The following PCLO variants were observed in gnomAD, a reference collection of about 807,000 sequenced individuals.
PCLO encodes the protein protein piccolo.
Under a neutral mutation model 427.5 loss-of-function variants are expected in PCLO, and 82 were observed. The ratio of observed to expected loss-of-function variants is 0.19; its 90% CI spans 0.16 to 0.23. The LOEUF is 0.23. Ranked by LOEUF, PCLO falls within the 10% of genes least tolerant of loss-of-function variation. PCLO has a pLI of 1.00. For missense variants in PCLO, 6,239 were observed against 6,115.9 expected (o/e 1.02, Z -0.67); for synonymous variants, 2,357 against 2,155.4 (o/e 1.09, Z -2.59).
rs1440979905 is a variant in PCLO, at chr7:82,953,080, G to C, written c.7873C>G (p.Pro2625Ala). 6.2e-7 allele frequency: 1 copy of C among 1,613,912 alleles called. No individual in the cohort carries two copies. The highest frequency in any genetic ancestry group is 8.5e-7 in the Non-Finnish European group (1 of 1,179,818). The part of the protein sequence containing the change: ...SVEPVFSVVP[P>A]VTAVEIPISS... The stretch of plus-strand genomic sequence containing the variant: ...ATTGGAATTTCTACAGCTGTCACAG[G>C]AGGAACTACAGAAAACACAGGTTCA... Residue 2625 changes from proline to alanine, a missense_variant, in exon 5 of 25, where the codon CCT (proline) becomes GCT (alanine). Coordinates refer to ENST00000333891, the MANE Select transcript of PCLO (RefSeq NM_033026.6).
At chr7:82,987,827 T>C (rs56945700) in intron 3 of PCLO, among the ~76,000 whole-genome samples, 114,230 of 151,920 alleles carry the variant, frequency 0.75, 43,513 homozygotes, top group East Asian at 0.92. Flanking sequence ...CTTAGTTCTT[T>C]CCCATTCACA....
chr7:82,980,583 A>G (rs1796124560), intron 3 of PCLO, among the ~76,000 whole-genome samples: 1 of 152,200 alleles, frequency 6.6e-6, no homozygotes, highest in Admixed American at 6.6e-5. Flanking sequence ...AATAGAATTT[A>G]AAATAGAATT....
At position 82,951,440 on chromosome 7, in the gene PCLO, G is replaced by C; in HGVS notation, c.9148C>G (p.Arg3050Gly). The C allele has an allele frequency of 1.3e-6, 2 of 1,589,772 alleles. No individual in the cohort carries two copies. Among genetic ancestry groups the C allele is most frequent in the Non-Finnish European group, 1.7e-6 (2 of 1,166,950 alleles). The change falls in exon 6 of 25, where the codon CGA becomes GGA. Residue 3050 changes from arginine (R) to glycine (G), a missense_variant. Around this residue, in one of 5 missense-constraint regions of PCLO, gnomAD observed 4,677 missense variants for 4,468.4 expected, o/e 1.05. Transcript: ENST00000333891. Reference protein sequence around the residue: ...SKTTGPYPETRQVISGAGIST... With the variant: ...SKTTGPYPETGQVISGAGIST... ...ATCCCAGCTCCTGAAATGACTTGTCGTGTTTCTGGATATGGACCTGTAGTC... is the reference window on the plus strand; with the variant it reads ...ATCCCAGCTCCTGAAATGACTTGTCCTGTTTCTGGATATGGACCTGTAGTC...
chr7:82,938,225 AT>A (rs1795001239), intron 6 of PCLO, among the ~76,000 whole-genome samples: 1 of 151,956 alleles, frequency 6.6e-6, no homozygotes, highest in African/African-American at 2.4e-5. Context: ...TTGACATTTC[AT>A]TGTTGTAAAG....
intron 3 of PCLO, among the ~76,000 whole-genome samples, chr7:82,970,450 A>C (rs183080054): frequency 6.6e-6 from 1 of 152,100 alleles, no homozygotes; most frequent in East Asian, 1.9e-4. Context: ...AAAGGATGGA[A>C]TGAATACAAC....
chr7:83,151,326 T>C (rs1222474456), intron 2 of PCLO, among the ~76,000 whole-genome samples: 2 of 152,188 alleles, frequency 1.3e-5, no homozygotes, highest in African/African-American at 4.8e-5. Context: ...GAATGTACAA[T>C]AAATTTAAAG....
chr7:83,096,966 A>ATT lies in PCLO; in HGVS notation c.3300+37283_3300+37284insAA, dbSNP rs1790582604. On this transcript the variant is annotated intron_variant, in intron 3 of 24. Coordinates refer to ENST00000333891, the MANE Select transcript of PCLO (RefSeq NM_033026.6). ...ATATATTATATAAATAATATAATAT[A>ATT]ATATATTATATATTATATAAATAAT... Among the ~76,000 whole-genome samples the ATT allele has an allele frequency of 9.9e-5, 3 of 30,310 alleles. 1 individual carries two copies. Among genetic ancestry groups the ATT allele is most frequent in the South Asian group, 1.4e-3 (2 of 1,392 alleles). The allele number at this position is 30,310 out of a possible 152,430, so 19.9% of individuals were successfully genotyped here.
intron 2 of PCLO, among the ~76,000 whole-genome samples, chr7:83,141,353 A>G (rs1791856989): frequency 6.6e-6 from 1 of 152,230 alleles, no homozygotes; most frequent in Non-Finnish European, 1.5e-5. Context: ...AAGGAAAAAT[A>G]GCCATCTTTG....
chr7:82,909,452 G>A (rs1456934003), intron 7 of PCLO, among the ~76,000 whole-genome samples: 2 of 151,830 alleles, frequency 1.3e-5, no homozygotes, highest in African/African-American at 4.8e-5. Context: ...AGGCCGATGG[G>A]TGCAGCAAAC....
chr7:83,004,510 A>G (rs1323349544), intron 3 of PCLO, among the ~76,000 whole-genome samples: 2 of 151,734 alleles, frequency 1.3e-5, no homozygotes, highest in Non-Finnish European at 3.0e-5. Flanking sequence ...ACAAAAAAGC[A>G]ACTCAAGATG....
rs1790291290 is a variant in PCLO, at chr7:82,755,203, G to A, written c.*3372C>T. ...TCCCACAATATGACTATTTAAATGT[G>A]TGTGATCCACAAAATTAATTCCACT... On this transcript the variant is annotated 3_prime_UTR_variant, in exon 25 of 25. Transcript: ENST00000333891. 1 of 152,160 alleles carries A rather than the reference G, an allele frequency of 6.6e-6. No homozygotes were observed. The highest frequency in any genetic ancestry group is 2.1e-4 in the South Asian group (1 of 4,824). 9.4% of individuals were successfully genotyped at this position (152,160 alleles called of 1,614,324 possible).
chr7:83,122,584 C>T (rs35820694), intron 3 of PCLO, among the ~76,000 whole-genome samples: 4,498 of 152,194 alleles, frequency 0.03, 113 homozygotes, highest in Non-Finnish European at 0.043. Context: ...CTGCGCCTGG[C>T]CTAGGATGCC....
chr7:82,820,595 GAT>G, intron 20 of PCLO: 3 of 1,228,592 alleles, frequency 2.4e-6, no homozygotes, highest in Non-Finnish European at 3.0e-6. Context: ...CTGTTTGTAG[GAT>G]CAAGAGAGAA....
chr7:83,125,617 T>C (rs1791418791), intron 3 of PCLO, among the ~76,000 whole-genome samples: 2 of 152,204 alleles, frequency 1.3e-5, no homozygotes, highest in Non-Finnish European at 2.9e-5. Flanking sequence ...ACATGTGCTG[T>C]GTCAACTCAG....
At chr7:83,061,618 T>C (rs1789545693) in intron 3 of PCLO, among the ~76,000 whole-genome samples, 1 of 152,154 alleles carries the variant, frequency 6.6e-6, no homozygotes, top group African/African-American at 2.4e-5. Context: ...GGTTAACTAC[T>C]TTTGCTTACC....
intron 9 of PCLO, among the ~76,000 whole-genome samples, chr7:82,884,568 T>C (rs1182110238): frequency 6.6e-6 from 1 of 152,142 alleles, no homozygotes; most frequent in Non-Finnish European, 1.5e-5. Flanking sequence ...ATAAGACAAT[T>C]GCAAAATTAG....
chr7:82,915,754 G>T lies in PCLO; in HGVS notation c.12232C>A (p.Arg4078Ser), dbSNP rs150669313. The change falls in exon 7 of 25, where the codon CGT becomes AGT. Residue 4078 changes from arginine to serine, a missense_variant. Physicochemically the swap from Arg to Ser is moderately radical, Grantham distance 110. Coordinates refer to ENST00000333891, the MANE Select transcript of PCLO (RefSeq NM_033026.6). ...CGTGTCTCAGTGGTTCGAAGGAGAC[G>T]GTCTGTTTTTGACAGATCCTTTTCA... Reference protein sequence around the residue: ...LHEKDLSKTDRLLRTTETRRS... With the variant: ...LHEKDLSKTDSLLRTTETRRS... 1 of 1,611,838 alleles carries T rather than the reference G, an allele frequency of 6.2e-7. No homozygotes were observed. Among genetic ancestry groups the T allele is most frequent in the East Asian group, 2.2e-5 (1 of 44,616 alleles).
chr7:82,808,185 C>A (rs775264536), intron 20 of PCLO, among the ~76,000 whole-genome samples: 1 of 151,788 alleles, frequency 6.6e-6, no homozygotes, highest in South Asian at 2.1e-4. Flanking sequence ...ACATTAATTT[C>A]ATCAATTGGA....
intron 3 of PCLO, among the ~76,000 whole-genome samples, chr7:83,100,210 TGTG>T (rs201479299): frequency 6.6e-6 from 1 of 152,194 alleles, no homozygotes; most frequent in Non-Finnish European, 1.5e-5. Flanking sequence ...ACACTGTTGT[TGTG>T]AGTGTAAATT....
Sources: allele counts gnomAD v4.1 joint callset (sites outside exome capture counted in the v4.1 genomes callset), GRCh38; gene constraint gnomAD v4.1.1; regional missense constraint gnomAD v4.1.1; transcripts MANE v1.5; gene names NCBI Gene and HGNC (gene_info 2026-07-23, HGNC 2026-07-21).